TACC2: variants seen among roughly 807,000 people sequenced by gnomAD.
TACC2 encodes transforming acidic coiled-coil-containing protein 2.
In TACC2, 137 loss-of-function variants were observed where a neutral mutation model predicts 227.3. The observed-to-expected ratio is 0.60, with a 90% confidence interval of 0.52 to 0.69. The LOEUF (loss-of-function observed/expected upper bound fraction) is 0.69. Ranked by LOEUF, TACC2 falls within the 30% of genes least tolerant of loss-of-function variation. The probability of loss-of-function intolerance (pLI) is 0.00; values close to 1 mark genes in which losing one functional copy is unlikely to be tolerated. For synonymous variants in TACC2, 1,523 were observed against 1,487.5 expected, an observed-to-expected ratio of 1.02 and a Z score of -0.55; for missense variants, 3,470 against 3,694.4, an observed-to-expected ratio of 0.94 and a Z score of 1.57.
rs371934569 is a variant in TACC2 at position 122,150,125 on chromosome 10, G to T, written c.5834+6419G>T. 8.5e-5 allele frequency among the ~76,000 whole-genome samples: 13 copies of T among 152,366 alleles called. 1 individual carries two copies. In the East Asian group the frequency reaches 2.5e-3, roughly 29 times the overall value. ...CAGTTCTTTTCCTCCTTCTGGGAGGGGAGGGGAAGGAGAGCCGGCAGCAGC... is the reference window on the plus strand; with the variant it reads ...CAGTTCTTTTCCTCCTTCTGGGAGGTGAGGGGAAGGAGAGCCGGCAGCAGC... On this transcript the variant is annotated intron_variant, in intron 7 of 22. Transcript: ENST00000369005. The surrounding 1 kb of genome is among the most constrained non-coding windows in gnomAD (Gnocchi z 4.0).
chr10:122,140,699 C>A, intron 6 of TACC2, among the ~76,000 whole-genome samples: 1 of 152,328 alleles, frequency 6.6e-6, no homozygotes, highest in Middle Eastern at 3.4e-3. Flanking sequence ...AGAACAATGT[C>A]TTTAAGAGGA....
chr10:122,074,850 G>A (rs977178952), intron 3 of TACC2, among the ~76,000 whole-genome samples: 7 of 152,124 alleles, frequency 4.6e-5, no homozygotes, highest in East Asian at 3.9e-4. Flanking sequence ...ATGTCAGGTA[G>A]GACTGAAAAC....
intron 8 of TACC2, among the ~76,000 whole-genome samples, chr10:122,197,371 G>A (rs74159087): frequency 0.023 from 3,476 of 152,350 alleles, 112 homozygotes; most frequent in African/African-American, 0.078. Flanking sequence ...CCACAGGTGC[G>A]TCTTCTGGGA....
intron 22 of TACC2, among the ~76,000 whole-genome samples, chr10:122,253,599 G>A (rs756175905): frequency 3.9e-5 from 6 of 152,176 alleles, no homozygotes; most frequent in African/African-American, 7.2e-5. Flanking sequence ...AAAAGCCACC[G>A]AGGGGTTTAC....
intron 7 of TACC2, among the ~76,000 whole-genome samples, chr10:122,178,545 G>C (rs528447983): frequency 6.6e-6 from 1 of 151,278 alleles, no homozygotes; most frequent in East Asian, 2.0e-4. Context: ...CCAGTTCTTC[G>C]TTATTTCTGA....
chr10:122,177,695 G>C (rs988150434), intron 7 of TACC2, among the ~76,000 whole-genome samples: 31 of 152,316 alleles, frequency 2.0e-4, no homozygotes, highest in Middle Eastern at 3.4e-3. Context: ...GCCATGATCT[G>C]TGATCGCAAA....
intron 9 of TACC2, 93 bp downstream of exon 9, chr10:122,211,801 C>A: frequency 1.8e-6 from 2 of 1,132,330 alleles, no homozygotes; most frequent in South Asian, 1.7e-5. Flanking sequence ...TTCGACTGCC[C>A]TAACCTTGCC....
chr10:122,105,614 G>A (rs970051443), intron 5 of TACC2, among the ~76,000 whole-genome samples: 1 of 146,024 alleles, frequency 6.8e-6, no homozygotes, highest in African/African-American at 2.5e-5. Flanking sequence ...GTAGCGTCCT[G>A]TCTTAAACAC....
chr10:122,216,867 T>C (rs914245134), intron 11 of TACC2, 39 bp downstream of exon 11: 1 of 1,613,978 alleles, frequency 6.2e-7, no homozygotes, highest in African/African-American at 1.3e-5. Flanking sequence ...CCACTCTGCC[T>C]CGGAGAATCC....
intron 3 of TACC2, among the ~76,000 whole-genome samples, chr10:122,055,414 A>T (rs755400084): frequency 2.0e-5 from 3 of 152,224 alleles, no homozygotes; most frequent in Non-Finnish European, 4.4e-5. Flanking sequence ...TTGCAGGGAC[A>T]TGGATGGAGC....
intron 8 of TACC2, among the ~76,000 whole-genome samples, chr10:122,200,280 C>T (rs984812495): frequency 2.6e-5 from 4 of 152,230 alleles, no homozygotes; most frequent in African/African-American, 2.4e-5. Flanking sequence ...ATCCAAGCCC[C>T]GTTCATCCCA....
chr10:122,027,986 G>T (rs1394447499), intron 2 of TACC2, among the ~76,000 whole-genome samples: 1 of 151,520 alleles, frequency 6.6e-6, no homozygotes, highest in East Asian at 1.9e-4. Context: ...CTTGTGATCT[G>T]CCCTCCTCGG....
chr10:122,134,428 C>G (rs1488283563), intron 6 of TACC2, among the ~76,000 whole-genome samples: 1 of 152,180 alleles, frequency 6.6e-6, no homozygotes, highest in African/African-American at 2.4e-5. Flanking sequence ...ATCTGCCTGC[C>G]TCGGCCTCCC....
chr10:122,039,099 C>T (rs1053098430), intron 2 of TACC2, among the ~76,000 whole-genome samples: 32 of 152,274 alleles, frequency 2.1e-4, no homozygotes, highest in African/African-American at 6.5e-4. Context: ...CCTCAGCCTC[C>T]GGAGTAGCTG....
intron 2 of TACC2, among the ~76,000 whole-genome samples, chr10:122,046,053 T>C (rs1291932337): frequency 2.0e-5 from 3 of 152,132 alleles, no homozygotes; most frequent in Non-Finnish European, 4.4e-5. Context: ...TGCATGCCTG[T>C]AGTCCCAGCT....
intron 1 of TACC2, among the ~76,000 whole-genome samples, chr10:122,017,923 CCAAA>C (rs1267495828): frequency 6.9e-6 from 1 of 145,534 alleles, no homozygotes; most frequent in African/African-American, 2.5e-5. Context: ...TCTCATCCCT[CCAAA>C]CATTTTTTTT....
At chr10:122,006,852 T>A (rs1027397804) in intron 1 of TACC2, among the ~76,000 whole-genome samples, 1 of 128,802 alleles carries the variant, frequency 7.8e-6, no homozygotes, top group Non-Finnish European at 1.6e-5. Context: ...TCTTCATTGC[T>A]TTCCTGATTT....
chr10:122,200,357 G>C (rs1027976608), intron 8 of TACC2, among the ~76,000 whole-genome samples: 2 of 151,196 alleles, frequency 1.3e-5, no homozygotes, highest in Admixed American at 1.3e-4. Context: ...AGAGGATGGC[G>C]ACCTCACCTG....
In TACC2 at chr10:122,249,668, A is replaced by G; in HGVS notation, c.8781+4A>G. ...GGAAAGGACGCTGGAGCAGAAGGTA[A>G]TAGGGGAGGGGTGTGGCCTCCAGGT... On this transcript the variant is annotated splice_donor_region_variant and intron_variant, in intron 22 of 22. Transcript: ENST00000369005. 1 of 1,611,648 alleles carries G rather than the reference A, an allele frequency of 6.2e-7. No homozygotes were observed. Among genetic ancestry groups the G allele is most frequent in the Non-Finnish European group, 8.5e-7 (1 of 1,178,710 alleles).
Sources: gnomAD v4.1 joint callset for allele counts (sites outside exome capture counted in the v4.1 genomes callset) on GRCh38, gnomAD v4.1.1 for gene constraint, Gnocchi (gnomAD v3.1) non-coding constraint, MANE v1.5 for transcripts, NCBI Gene and HGNC (gene_info 2026-07-23, HGNC 2026-07-21) for gene names.